The following INPP4B variants were observed in gnomAD, a reference collection of about 807,000 sequenced individuals.
INPP4B encodes inositol polyphosphate-4-phosphatase type II B.
A neutral mutation model predicts 122.5 loss-of-function variants in INPP4B; 55 were observed. The ratio of observed to expected loss-of-function variants is 0.45; its 90% CI spans 0.36 to 0.56. The LOEUF is 0.56. Ranked by LOEUF, INPP4B falls within the 20% of genes least tolerant of loss-of-function variation. The pLI is 0.00. For missense variants in INPP4B, 1,000 were observed against 1,097.7 expected (o/e 0.91, Z 1.26); for synonymous variants, 403 against 388.7 (o/e 1.04, Z -0.43).
intron 9 of INPP4B, among the ~76,000 whole-genome samples, chr4:142,295,821 T>C (rs1758458495): frequency 1.3e-5 from 2 of 151,842 alleles, no homozygotes. Flanking sequence ...CATGTATTAA[T>C]AACCAAAGGG....
At chr4:142,159,466 A>G (rs143631723) in intron 17 of INPP4B, among the ~76,000 whole-genome samples, 2 of 148,134 alleles carry the variant, frequency 1.4e-5, no homozygotes, top group Non-Finnish European at 3.0e-5. Flanking sequence ...CCTTTCAGAT[A>G]ACATTTTTTT....
chr4:142,412,853 T>G (rs760918450), intron 5 of INPP4B, among the ~76,000 whole-genome samples: 11 of 152,150 alleles, frequency 7.2e-5, no homozygotes, highest in African/African-American at 2.7e-4. Flanking sequence ...CTCCAACATA[T>G]GTGTTACTCT....
At chr4:142,406,003 G>C (rs1023685516) in intron 5 of INPP4B, among the ~76,000 whole-genome samples, 1 of 151,980 alleles carries the variant, frequency 6.6e-6, no homozygotes, top group Non-Finnish European at 1.5e-5. Flanking sequence ...ACAGACCCTC[G>C]CCACCATACC....
At chr4:142,206,167 A>G (rs1017229461) in intron 14 of INPP4B, among the ~76,000 whole-genome samples, 3 of 152,008 alleles carry the variant, frequency 2.0e-5, no homozygotes, top group African/African-American at 7.2e-5. Flanking sequence ...TGCTCCTGAA[A>G]GCTCTTTTTA....
At chr4:142,702,523 G>A (rs1032975659) in intron 2 of INPP4B, among the ~76,000 whole-genome samples, 8 of 151,982 alleles carry the variant, frequency 5.3e-5, no homozygotes, top group Admixed American at 1.3e-4. Context: ...TTGGGAGTTC[G>A]AGACCAGCTT....
At chr4:142,644,905 CAAAAAAAAA>C (rs72460445) in intron 2 of INPP4B, among the ~76,000 whole-genome samples, 2 of 66,154 alleles carry the variant, frequency 3.0e-5, no homozygotes, top group Non-Finnish European at 5.5e-5. Flanking sequence ...GACTCCATCT[CAAAAAAAAA>C]AAAAAAAAAA....
In INPP4B at chr4:142,253,683, G is replaced by A. The variant is rs565275861; in HGVS notation, c.688+6809C>T. Among the ~76,000 whole-genome samples, 23 of 152,302 alleles carry A rather than the reference G, an allele frequency of 1.5e-4. No homozygotes were observed. In the South Asian group the frequency reaches 1.7e-3, roughly 11 times the overall value. ...ACGGCGCACCAGGAGATTATATCCC[G>A]CACCTGGCTCGGAGGGTCCTACGCC... On this transcript the variant is annotated intron_variant, in intron 11 of 25. Transcript: ENST00000262992.
At chr4:142,191,980 C>T (rs1836028415) in intron 15 of INPP4B, among the ~76,000 whole-genome samples, 1 of 152,004 alleles carries the variant, frequency 6.6e-6, no homozygotes, top group Admixed American at 6.6e-5. Flanking sequence ...TCTTCCTAAA[C>T]ATCTGGGCAC....
At chr4:142,447,306 A>G (rs1270216059) in intron 3 of INPP4B, among the ~76,000 whole-genome samples, 1 of 152,206 alleles carries the variant, frequency 6.6e-6, no homozygotes, top group Admixed American at 6.5e-5. Flanking sequence ...TAGTGGACAC[A>G]GTGTTGGGAT....
At chr4:142,628,276 T>C (rs1440534195) in intron 2 of INPP4B, among the ~76,000 whole-genome samples, 11 of 146,600 alleles carry the variant, frequency 7.5e-5, no homozygotes, top group Admixed American at 4.1e-4. Context: ...ATGGATGAAA[T>C]TGGAAATCAT....
intron 3 of INPP4B, among the ~76,000 whole-genome samples, chr4:142,461,990 AACCCGGCTTC>A (rs1400311072): frequency 6.6e-6 from 1 of 152,132 alleles, no homozygotes; most frequent in Non-Finnish European, 1.5e-5. Context: ...TCTTATTTTC[AACCCGGCTTC>A]ATTTATATCT....
chr4:142,320,574 T>A (rs543779823), intron 7 of INPP4B, among the ~76,000 whole-genome samples: 14 of 152,304 alleles, frequency 9.2e-5, no homozygotes, highest in African/African-American at 3.4e-4. Context: ...TGGTGGTGAT[T>A]TCCGAGATTT....
intron 1 of INPP4B, among the ~76,000 whole-genome samples, chr4:142,761,441 A>C (rs1267813006): frequency 6.6e-6 from 1 of 152,130 alleles, no homozygotes; most frequent in East Asian, 1.9e-4. Context: ...ACAAAAACAT[A>C]CATCAGTATG....
chr4:142,478,170 G>C (rs1189240068), intron 2 of INPP4B, among the ~76,000 whole-genome samples: 2 of 152,174 alleles, frequency 1.3e-5, no homozygotes, highest in Admixed American at 6.5e-5. Flanking sequence ...AGATCTCGGA[G>C]CTTTTGGGCA....
At chr4:142,496,937 G>A (rs1375915194) in intron 2 of INPP4B, 2 of 119,052 alleles carry the variant, frequency 1.7e-5, no homozygotes, top group African/African-American at 5.9e-5. Context: ...ATTATAAACT[G>A]GCAAATAGCT....
At chr4:142,702,022 C>T (rs1417181747) in intron 2 of INPP4B, among the ~76,000 whole-genome samples, 1 of 151,962 alleles carries the variant, frequency 6.6e-6, no homozygotes, top group Non-Finnish European at 1.5e-5. Context: ...AGTTAGGCTC[C>T]CACTCACACT....
chr4:142,093,976 A>C (rs1330448393), intron 23 of INPP4B, among the ~76,000 whole-genome samples: 1 of 152,200 alleles, frequency 6.6e-6, no homozygotes, highest in Non-Finnish European at 1.5e-5. Flanking sequence ...CTCAATCAAC[A>C]TTATACATTG....
chr4:142,319,187 G>A (rs933282905), intron 7 of INPP4B, among the ~76,000 whole-genome samples: 1 of 152,136 alleles, frequency 6.6e-6, no homozygotes, highest in Admixed American at 6.5e-5. Flanking sequence ...TCTGCTCATT[G>A]GTAGGTGAGG....
intron 2 of INPP4B, among the ~76,000 whole-genome samples, chr4:142,614,341 A>G (rs1743238680): frequency 6.6e-6 from 1 of 152,240 alleles, no homozygotes; most frequent in Non-Finnish European, 1.5e-5. Context: ...TTTGATAATC[A>G]TATACAGAAG....
Sources: gnomAD v4.1 joint callset for allele counts (sites outside exome capture counted in the v4.1 genomes callset) on GRCh38, gnomAD v4.1.1 for gene constraint, MANE v1.5 for transcripts, NCBI Gene and HGNC (gene_info 2026-07-23, HGNC 2026-07-21) for gene names.